The following FSTL4 variants were observed in gnomAD, a reference collection of about 807,000 sequenced individuals.
FSTL4 encodes the protein follistatin like 4.
A neutral mutation model predicts 78.2 loss-of-function variants in FSTL4; 28 were observed. That is an observed-to-expected ratio of 0.36 (90% CI 0.27 to 0.49). The LOEUF (loss-of-function observed/expected upper bound fraction) is 0.49. Ranked by LOEUF, FSTL4 falls within the 20% of genes least tolerant of loss-of-function variation. The probability of loss-of-function intolerance (pLI) is 0.98; values close to 1 mark genes in which losing one functional copy is unlikely to be tolerated. For missense variants in FSTL4, 922 were observed against 1,084.9 expected (o/e 0.85, Z 2.11); for synonymous variants, 422 against 440.5 (o/e 0.96, Z 0.53).
intron 6 of FSTL4, among the ~76,000 whole-genome samples, chr5:133,280,670 C>T (rs1752988304): frequency 6.6e-6 from 1 of 152,112 alleles, no homozygotes; most frequent in South Asian, 2.1e-4. Flanking sequence ...GAACACACAT[C>T]CTCCAAAACC....
At chr5:133,551,165 C>A (rs1262608036) in intron 3 of FSTL4, among the ~76,000 whole-genome samples, 3 of 152,154 alleles carry the variant, frequency 2.0e-5, no homozygotes, top group Non-Finnish European at 4.4e-5. Context: ...AACGGGCGAG[C>A]CACTCAAAGC....
chr5:133,570,189 A>G (rs916348563), intron 2 of FSTL4, among the ~76,000 whole-genome samples: 1 of 151,532 alleles, frequency 6.6e-6, no homozygotes, highest in Non-Finnish European at 1.5e-5. Context: ...AGCCTGGGAG[A>G]CAGCGAGACT....
In FSTL4 at chr5:133,496,915, C is replaced by T. The variant is rs571837162; in HGVS notation, c.160+70271G>A. Among the ~76,000 whole-genome samples, 5 of 152,314 alleles carry T rather than the reference C, an allele frequency of 3.3e-5. No homozygotes were observed. In the South Asian group the frequency reaches 1.0e-3, roughly 32 times the overall value. ...GGACTGCCCAAAGCCCTGACTCCCC[C>T]TTACTGCCTCCCGCCCATCTTCTGG... On this transcript the variant is annotated intron_variant, in intron 3 of 15. Transcript: ENST00000265342.
At chr5:133,742,620 T>A in the FSTL4 span, among the ~76,000 whole-genome samples, 1 of 152,006 alleles carries the variant, frequency 6.6e-6, no homozygotes, top group Non-Finnish European at 1.5e-5. Flanking sequence ...TCCTCAGCTC[T>A]CGGAGGGCTG....
At chr5:133,814,396 G>T in the FSTL4 span, among the ~76,000 whole-genome samples, 1 of 152,158 alleles carries the variant, frequency 6.6e-6, no homozygotes, top group Non-Finnish European at 1.5e-5. Context: ...CCTGGGTGTG[G>T]CTGGAGGGTG....
At chr5:133,424,069 G>T (rs1396681913) in intron 3 of FSTL4, among the ~76,000 whole-genome samples, 1 of 152,222 alleles carries the variant, frequency 6.6e-6, no homozygotes, top group Non-Finnish European at 1.5e-5. Context: ...ATCGGACTGG[G>T]CTCCCTGTGG....
chr5:133,703,899 C>T, the FSTL4 span, among the ~76,000 whole-genome samples: 36,884 of 152,122 alleles, frequency 0.24, 5,086 homozygotes, highest in African/African-American at 0.38. Flanking sequence ...CTAGCACAGG[C>T]GGCAAAGCTT....
At chr5:133,648,116 C>T in the FSTL4 span, among the ~76,000 whole-genome samples, 1 of 152,174 alleles carries the variant, frequency 6.6e-6, no homozygotes, top group Non-Finnish European at 1.5e-5. Flanking sequence ...GTCCACTAAA[C>T]CTCTTTTTCT....
In FSTL4 at chr5:133,338,319, C is replaced by A. The variant is rs58823934; in HGVS notation, c.410-21667G>T. ...AGTGCACACTCTGGACTGGCTCCTGCGGGAGAACACAAGAGTGGCCATGGA... is the reference window on the plus strand; with the variant it reads ...AGTGCACACTCTGGACTGGCTCCTGAGGGAGAACACAAGAGTGGCCATGGA... On this transcript the variant is annotated intron_variant, in intron 4 of 15. Coordinates refer to ENST00000265342, the MANE Select transcript of FSTL4 (RefSeq NM_015082.2). The surrounding 1 kb of genome is among the most constrained non-coding windows in gnomAD (Gnocchi z 4.0). Among the ~76,000 whole-genome samples the A allele has an allele frequency of 6.6e-6, 1 of 152,088 alleles. No homozygotes were observed. Among genetic ancestry groups the A allele is most frequent in the Admixed American group, 6.5e-5 (1 of 15,276 alleles).
intron 11 of FSTL4, among the ~76,000 whole-genome samples, chr5:133,221,905 T>TGTTTTTG (rs1561626744): frequency 3.1e-5 from 2 of 64,646 alleles, no homozygotes; most frequent in Admixed American, 3.4e-4. Flanking sequence ...TTTTTTTTTT[T>TGTTTTTG]TTTTTTTTTT....
At chr5:133,613,559 T>C (rs1380323277), upstream of FSTL4, among the ~76,000 whole-genome samples, 1 of 152,180 alleles carries the variant, frequency 6.6e-6, no homozygotes, top group Non-Finnish European at 1.5e-5. Context: ...TTACGTTTGT[T>C]TTTTCCTTCC....
the FSTL4 span, among the ~76,000 whole-genome samples, chr5:133,780,353 T>C: frequency 1.3e-5 from 2 of 152,132 alleles, no homozygotes; most frequent in East Asian, 1.9e-4. Flanking sequence ...TTTCCTACAA[T>C]GTCCTTTCTA....
rs112493406 is a variant in FSTL4 at position 133,212,925 on chromosome 5, T to C, written c.1609-2627A>G. 4.1e-3 allele frequency among the ~76,000 whole-genome samples: 623 copies of C among 151,686 alleles called. 2 individuals are homozygous for C. The highest frequency in any genetic ancestry group is 0.014 in the African/African-American group (591 of 41,386). The stretch of plus-strand genomic sequence containing the variant: ...CAATAAGACTATCAGCAAAAATAAC[T>C]GAAGATAATGAAATGATACCTTAAA... On this transcript the variant is annotated intron_variant, in intron 13 of 15. Transcript: ENST00000265342.
chr5:133,631,995 T>C, the FSTL4 span, among the ~76,000 whole-genome samples: 1 of 151,914 alleles, frequency 6.6e-6, no homozygotes, highest in African/African-American at 2.4e-5. Context: ...CCGGGGTCTG[T>C]TGTGGGGTGG....
intron 3 of FSTL4, among the ~76,000 whole-genome samples, chr5:133,559,688 G>C (rs1759872189): frequency 6.6e-6 from 1 of 152,164 alleles, no homozygotes; most frequent in Admixed American, 6.5e-5. Context: ...AGTGATTAGG[G>C]GTTCATTATC....
In FSTL4 at chr5:133,220,769, C is replaced by T. The variant is rs377420733; in HGVS notation, c.1437G>A (p.Thr479=). ...TTACATAGCTCATGAAAATCTTTTC[C>T]GTGGGTTTGAGGTGCCTCTGGATCT... is the stretch of plus-strand genomic sequence containing the variant. ...DCEIQRHLKP[T]EKIFMSYEEI... The change falls in exon 12 of 16, where the codon ACG becomes ACA. Residue 479 remains threonine (T), a synonymous_variant. Transcript: ENST00000265342. 219 of 1,597,722 alleles carry T rather than the reference C, an allele frequency of 1.4e-4. No homozygotes were observed. The highest frequency in any genetic ancestry group is 1.8e-4 in the Non-Finnish European group (210 of 1,165,122).
At chr5:133,431,741 T>C (rs1234873362) in intron 3 of FSTL4, among the ~76,000 whole-genome samples, 1 of 152,190 alleles carries the variant, frequency 6.6e-6, no homozygotes, top group Non-Finnish European at 1.5e-5. Context: ...GTAGTTGTTT[T>C]AAGCTGCTAG....
chr5:133,537,677 G>T (rs1759376768), intron 3 of FSTL4, among the ~76,000 whole-genome samples: 1 of 151,740 alleles, frequency 6.6e-6, no homozygotes, highest in Non-Finnish European at 1.5e-5. Flanking sequence ...TGTTTATTTT[G>T]ATATCATTTC....
At chr5:133,582,657 C>T (rs1760442810) in intron 2 of FSTL4, among the ~76,000 whole-genome samples, 1 of 152,186 alleles carries the variant, frequency 6.6e-6, no homozygotes, top group South Asian at 2.1e-4. Context: ...TGGCCAACCC[C>T]TGTCAACACT....
Sources: gnomAD v4.1 joint callset for allele counts (sites outside exome capture counted in the v4.1 genomes callset) on GRCh38, gnomAD v4.1.1 for gene constraint, Gnocchi (gnomAD v3.1) non-coding constraint, MANE v1.5 for transcripts, NCBI Gene and HGNC (gene_info 2026-07-23, HGNC 2026-07-21) for gene names.